Variants in NOTCH2 observed in about 807,000 individuals in gnomAD.
NOTCH2 encodes notch receptor 2.
Under a neutral mutation model 235.8 loss-of-function variants are expected in NOTCH2, and 29 were observed. The observed-to-expected ratio is 0.12, with a 90% confidence interval of 0.09 to 0.17. NOTCH2 has a LOEUF of 0.17. NOTCH2 is among the 10% of genes least tolerant of loss of function. NOTCH2 has a pLI of 1.00. For synonymous variants in NOTCH2, 1,086 were observed against 1,141.5 expected, an observed-to-expected ratio of 0.95 and a Z score of 0.98; for missense variants, 2,285 against 3,150.2, an observed-to-expected ratio of 0.73 and a Z score of 6.57.
chr1:120,028,993 A>G (rs1653983668), intron 2 of NOTCH2, among the ~76,000 whole-genome samples: 1 of 151,590 alleles, frequency 6.6e-6, no homozygotes, highest in Admixed American at 6.6e-5. Context: ...TCTTGGCTAG[A>G]GTAGATGGTT....
chr1:119,940,414 G>T, intron 19 of NOTCH2, 141 bp downstream of exon 19: 1 of 726,576 alleles, frequency 1.4e-6, no homozygotes, highest in Non-Finnish European at 2.4e-6. Flanking sequence ...AAGTTATTAA[G>T]AAGTTACCTA....
rs781030729 is a variant in NOTCH2 at position 119,915,758 on chromosome 1, G to A, written c.6964C>T (p.Pro2322Ser). Residue 2322 changes from proline to serine, a missense_variant, in exon 34 of 34, where the codon CCC (proline) becomes TCC (serine). Physicochemically the swap from Pro to Ser is moderately conservative, Grantham distance 74. Around this residue, in one of 6 missense-constraint regions of NOTCH2, gnomAD observed 504 missense variants for 538.0 expected, o/e 0.94. Transcript: ENST00000256646. ...KGSIAQPAGAPQPQSTCPPAV... is the reference protein window; with the variant it reads ...KGSIAQPAGASQPQSTCPPAV... ...GGAGGGCAGGTGGACTGAGGCTGGG[G>A]AGCCCCCGCTGGTTGGGCAATACTG... 2.5e-6 allele frequency: 4 copies of A among 1,607,850 alleles called. No individual in the cohort carries two copies. In the African/African-American group the frequency reaches 4.0e-5, roughly 16 times the overall value.
chr1:120,003,142 T>C (rs1318425140), intron 3 of NOTCH2, among the ~76,000 whole-genome samples: 1 of 152,164 alleles, frequency 6.6e-6, no homozygotes, highest in Non-Finnish European at 1.5e-5. Flanking sequence ...TCAGTAAATA[T>C]AAAGCAGGCA....
intron 13 of NOTCH2, 116 bp from the exon 14 acceptor site, chr1:119,953,804 G>T: frequency 3.3e-6 from 3 of 920,298 alleles, no homozygotes; most frequent in Non-Finnish European, 5.3e-6. Flanking sequence ...CTACTTTCAT[G>T]GAACTATCCT....
In NOTCH2 at chr1:119,912,327, C is replaced by T. The variant is rs1447631956; in HGVS notation, c.*2979G>A. ...ACATAAATGTGTCCTCCCAAATAGT[C>T]ATCATACATTCAATGTATTGGTTAG... is the stretch of plus-strand genomic sequence containing the variant. On this transcript the variant is annotated 3_prime_UTR_variant, in exon 34 of 34. Transcript: ENST00000256646. The T allele has an allele frequency of 1.7e-5, 4 of 233,114 alleles. No individual in the cohort carries two copies. The highest frequency in any genetic ancestry group is 3.4e-5 in the Non-Finnish European group (4 of 117,842). The allele number at this position is 233,114 out of a possible 1,614,324, so 14.4% of individuals were successfully genotyped here.
In NOTCH2 at chr1:119,915,171, T is replaced by C; in HGVS notation, c.*135A>G. On this transcript the variant is annotated 3_prime_UTR_variant, in exon 34 of 34. Coordinates refer to ENST00000256646, the MANE Select transcript of NOTCH2 (RefSeq NM_024408.4). ...AATTGCTTCTCTTGCATTATCTGAA[T>C]AAGAACATCTTCTCTTTCCTACCTC... The C allele has an allele frequency of 1.1e-6, 1 of 907,850 alleles. No homozygotes were observed. 56.2% of individuals were successfully genotyped at this position (907,850 alleles called of 1,614,324 possible). A position where few individuals can be genotyped will look rare whatever the true frequency, so the allele number is the denominator to read the frequency against.
chr1:119,966,539 T>A (rs782018448), intron 8 of NOTCH2, 50 bp from the exon 9 acceptor site: 2 of 1,333,798 alleles, frequency 1.5e-6, no homozygotes, highest in Non-Finnish European at 2.2e-6. Context: ...AAAGGTGTAT[T>A]CCAGACAAGG....
intron 5 of NOTCH2, among the ~76,000 whole-genome samples, chr1:119,980,777 A>G (rs1651782655): frequency 1.3e-5 from 2 of 152,170 alleles, no homozygotes; most frequent in South Asian, 4.1e-4. Context: ...AGCTGAACAA[A>G]TAACGCAGTA....
At chr1:119,920,114 A>C in intron 30 of NOTCH2, 115 bp downstream of exon 30, 1 of 1,122,292 alleles carries the variant, frequency 8.9e-7, no homozygotes, top group Non-Finnish European at 1.3e-6. Context: ...GAGCTGATTT[A>C]GAGTCTGTGA....
chr1:119,941,133 A>T (rs1340830347), intron 18 of NOTCH2, among the ~76,000 whole-genome samples: 1 of 152,256 alleles, frequency 6.6e-6, no homozygotes, highest in Non-Finnish European at 1.5e-5. Flanking sequence ...TAGAACAAAC[A>T]TGCTCATAAT....
chr1:120,004,874 G>C (rs1381802729), intron 3 of NOTCH2, among the ~76,000 whole-genome samples: 4 of 152,272 alleles, frequency 2.6e-5, no homozygotes, highest in African/African-American at 9.6e-5. Flanking sequence ...CTGGGCTCAA[G>C]CAATTCTTCC....
chr1:119,954,088 G>C (rs782710996), intron 13 of NOTCH2, among the ~76,000 whole-genome samples: 1 of 152,050 alleles, frequency 6.6e-6, no homozygotes, highest in Non-Finnish European at 1.5e-5. Context: ...TCACTGTCAG[G>C]GACCCTGAGC....
intron 1 of NOTCH2, 163 bp downstream of exon 1, chr1:120,069,171 G>T (rs1557870366): frequency 6.5e-7 from 1 of 1,527,480 alleles, no homozygotes; most frequent in Non-Finnish European, 8.8e-7. Flanking sequence ...CACGGGAGGG[G>T]CCCCCGGCGA....
In NOTCH2 at chr1:119,915,141, T is replaced by C. The variant is rs1571144567; in HGVS notation, c.*165A>G. ...AAGCCTTGCAGATACCCAGTGAAAC[T>C]GACGAATTGCTTCTCTTGCATTATC... On this transcript the variant is annotated 3_prime_UTR_variant, in exon 34 of 34. Coordinates refer to ENST00000256646, the MANE Select transcript of NOTCH2 (RefSeq NM_024408.4). 2 of 727,702 alleles carry C rather than the reference T, an allele frequency of 2.7e-6. No homozygotes were observed. The highest frequency in any genetic ancestry group is 5.3e-5 in the East Asian group (2 of 37,686). The allele number at this position is 727,702 out of a possible 1,614,324, so 45.1% of individuals were successfully genotyped here. A position where few individuals can be genotyped will look rare whatever the true frequency, so the allele number is the denominator to read the frequency against.
At chr1:120,029,520 T>C (rs2101328137) in intron 2 of NOTCH2, among the ~76,000 whole-genome samples, 1 of 151,178 alleles carries the variant, frequency 6.6e-6, no homozygotes, top group South Asian at 2.1e-4. Flanking sequence ...CTGGCTAATT[T>C]TTGTATTTTT....
intron 4 of NOTCH2, among the ~76,000 whole-genome samples, 156 bp from the exon 5 acceptor site, chr1:119,987,238 C>A (rs1333998573): frequency 6.6e-6 from 1 of 152,190 alleles, no homozygotes; most frequent in South Asian, 2.1e-4. Context: ...ATCCCCAATT[C>A]TCTGTCTTCT....
At chr1:119,949,727 A>C (rs988133535) in intron 15 of NOTCH2, among the ~76,000 whole-genome samples, 5 of 152,066 alleles carry the variant, frequency 3.3e-5, no homozygotes, top group African/African-American at 1.2e-4. Context: ...TGTGCTATCA[A>C]GTCTTTCAGG....
chr1:119,920,163 G>C, intron 30 of NOTCH2, 66 bp downstream of exon 30: 2 of 1,587,924 alleles, frequency 1.3e-6, no homozygotes, highest in East Asian at 4.5e-5. Context: ...GGCAAACACA[G>C]GGACAACAAT....
At chr1:119,952,735 A>T (rs1650529731) in intron 14 of NOTCH2, among the ~76,000 whole-genome samples, 1 of 152,222 alleles carries the variant, frequency 6.6e-6, no homozygotes, top group Non-Finnish European at 1.5e-5. Flanking sequence ...GGCCACACAC[A>T]GGTACTGGTC....
Sources: gnomAD v4.1 joint callset for allele counts (sites outside exome capture counted in the v4.1 genomes callset) on GRCh38, gnomAD v4.1.1 for gene constraint, gnomAD v4.1.1 regional missense constraint, MANE v1.5 for transcripts, NCBI Gene and HGNC (gene_info 2026-07-23, HGNC 2026-07-21) for gene names.